Variants in ZNF423 observed in about 807,000 individuals in gnomAD.
The protein encoded by ZNF423 is zinc finger protein 423.
In ZNF423, 12 loss-of-function variants were observed where a neutral mutation model predicts 95.8. The ratio of observed to expected loss-of-function variants is 0.13; its 90% CI spans 0.08 to 0.20. ZNF423 has a LOEUF of 0.20. Among genes scored for constraint, ZNF423 ranks in the 10% least tolerant of loss-of-function variants. The pLI is 1.00. For synonymous variants in ZNF423, 749 were observed against 711.9 expected, an observed-to-expected ratio of 1.05 and a Z score of -0.83; for missense variants, 1,316 against 1,737.1, an observed-to-expected ratio of 0.76 and a Z score of 4.31.
rs1321212167 is a variant in ZNF423, at chr16:49,615,285, AAAT to A, written c.3601+10882_3601+10884del. 5.3e-5 allele frequency among the ~76,000 whole-genome samples: 8 copies of A among 152,326 alleles called. No individual in the cohort carries two copies. In the South Asian group the frequency reaches 8.3e-4, roughly 16 times the overall value. On this transcript the variant is annotated intron_variant, in intron 5 of 7. Coordinates refer to ENST00000563137, the MANE Select transcript of ZNF423 (RefSeq NM_001379286.1). ...CAGGCAAATGCAAATTTCGGACAAG[AAAT>A]AATGTTTTAGTAGAGTATGTCCCAT...
At chr16:49,532,290 C>A (rs1172437269) in intron 5 of ZNF423, among the ~76,000 whole-genome samples, 2 of 152,196 alleles carry the variant, frequency 1.3e-5, no homozygotes, top group East Asian at 1.9e-4. Flanking sequence ...CTGTCCCCGA[C>A]CCCCAGTGCC....
At position 49,842,410 on chromosome 16, in the gene ZNF423, A is replaced by AAGGC. The variant is rs1211045896; in HGVS notation, c.40+13321_40+13324dup. On this transcript the variant is annotated intron_variant, in intron 1 of 7. Coordinates refer to ENST00000563137, the MANE Select transcript of ZNF423 (RefSeq NM_001379286.1). ...GAAGGAAGGAAGGAAGGAAGGAAGG[A>AAGGC]AGGCAGGCAGGCAGGCAGGCAGGCA... Among the ~76,000 whole-genome samples, 370 of 77,880 alleles carry AAGGC rather than the reference A, an allele frequency of 4.8e-3. 7 individuals are homozygous for AAGGC. The highest frequency in any genetic ancestry group is 5.9e-3 in the African/African-American group (133 of 22,704). The allele number at this position is 77,880 out of a possible 152,430, so 51.1% of individuals were successfully genotyped here. A position where few individuals can be genotyped will look rare whatever the true frequency, so the allele number is the denominator to read the frequency against.
chr16:49,777,179 G>A (rs753526973), intron 2 of ZNF423, among the ~76,000 whole-genome samples: 1 of 152,228 alleles, frequency 6.6e-6, no homozygotes, highest in Non-Finnish European at 1.5e-5. Flanking sequence ...TATGTGTGTA[G>A]TATGGAGGAA....
intron 5 of ZNF423, among the ~76,000 whole-genome samples, chr16:49,541,125 G>A (rs1021713235): frequency 3.3e-5 from 5 of 152,182 alleles, no homozygotes; most frequent in Non-Finnish European, 7.3e-5. Context: ...CAGAACCTAT[G>A]CTTCCCTCCC....
At chr16:49,642,520 A>T (rs1366926003) in intron 3 of ZNF423, among the ~76,000 whole-genome samples, 1 of 152,230 alleles carries the variant, frequency 6.6e-6, no homozygotes, top group Non-Finnish European at 1.5e-5. Flanking sequence ...TGAGATTATA[A>T]TCATCTGAAT....
At chr16:49,675,551 C>T (rs1208312171) in intron 3 of ZNF423, among the ~76,000 whole-genome samples, 2 of 152,110 alleles carry the variant, frequency 1.3e-5, no homozygotes, top group Admixed American at 1.3e-4. Flanking sequence ...CACAACCACG[C>T]TGCACCACCC....
At chr16:49,599,763 G>GA (rs2151828930) in intron 5 of ZNF423, among the ~76,000 whole-genome samples, 1 of 152,306 alleles carries the variant, frequency 6.6e-6, no homozygotes, top group South Asian at 2.1e-4. Context: ...AAGGACCACA[G>GA]GATGCATGGG....
At chr16:49,552,533 T>G (rs947064778) in intron 5 of ZNF423, among the ~76,000 whole-genome samples, 3 of 152,124 alleles carry the variant, frequency 2.0e-5, no homozygotes, top group Admixed American at 6.5e-5. Flanking sequence ...TTGGAGATAT[T>G]AAGAATGACA....
chr16:49,789,187 C>T (rs1031781324), intron 2 of ZNF423, among the ~76,000 whole-genome samples: 15 of 152,152 alleles, frequency 9.9e-5, no homozygotes, highest in Admixed American at 3.3e-4. Flanking sequence ...TGTGCAGTGA[C>T]GCCCATAGCA....
At chr16:49,554,958 TA>T (rs771145862) in intron 5 of ZNF423, among the ~76,000 whole-genome samples, 22 of 152,022 alleles carry the variant, frequency 1.4e-4, no homozygotes, top group Non-Finnish European at 3.1e-4. Flanking sequence ...AATTTGGATG[TA>T]AAGTGCTTTA....
At chr16:49,574,432 T>A (rs1970436850) in intron 5 of ZNF423, among the ~76,000 whole-genome samples, 1 of 152,168 alleles carries the variant, frequency 6.6e-6, no homozygotes, top group African/African-American at 2.4e-5. Flanking sequence ...GATTCAGCAG[T>A]TGTATGTGGG....
intron 1 of ZNF423, among the ~76,000 whole-genome samples, chr16:49,794,036 TCTCTCTCTCTCG>T (rs1034948388): frequency 3.9e-5 from 6 of 152,066 alleles, no homozygotes; most frequent in African/African-American, 1.4e-4. Flanking sequence ...TCTCTCTCTC[TCTCTCTCTCTCG>T]CTCTCTGAGA....
intron 1 of ZNF423, chr16:49,854,367 CG>C (rs2035334007): frequency 1.0e-6 from 1 of 985,462 alleles, no homozygotes. Context: ...ACAGAACTGA[CG>C]AGTGTCTCAA....
intron 1 of ZNF423, among the ~76,000 whole-genome samples, chr16:49,792,018 A>AAAAAAAAAAAAAG (rs57175853): frequency 5.8e-5 from 8 of 138,276 alleles, no homozygotes; most frequent in Admixed American, 7.7e-5. Flanking sequence ...AAAAAAAAAA[A>AAAAAAAAAAAAAG]AAAGAAAGAA....
At position 49,638,904 on chromosome 16, in the gene ZNF423, G is replaced by A. The variant is rs776477388; in HGVS notation, c.302-30C>T. 17 of 1,570,424 alleles carry A rather than the reference G, an allele frequency of 1.1e-5. No homozygotes were observed. Among genetic ancestry groups the A allele is most frequent in the Non-Finnish European group, 1.4e-5 (16 of 1,156,520 alleles). On this transcript the variant is annotated intron_variant, in intron 3 of 7. Coordinates refer to ENST00000563137, the MANE Select transcript of ZNF423 (RefSeq NM_001379286.1). The surrounding 1 kb of genome is among the most constrained non-coding windows in gnomAD (Gnocchi z 5.6). ...AAGAGAAGGCAGAGAGGATATTAGAGGCAATTCCCAGGGCTGCCGAGAAAC... is the reference window on the plus strand; with the variant it reads ...AAGAGAAGGCAGAGAGGATATTAGAAGCAATTCCCAGGGCTGCCGAGAAAC...
chr16:49,617,005 T>C (rs1238114961), intron 5 of ZNF423, among the ~76,000 whole-genome samples: 8 of 152,186 alleles, frequency 5.3e-5, no homozygotes, highest in Non-Finnish European at 1.2e-4. Context: ...AACCAGTAGG[T>C]GTGGTGAGTT....
chr16:49,626,298 A>G (rs767818365), intron 4 of ZNF423, 44 bp from the exon 5 acceptor site: 1 of 1,599,402 alleles, frequency 6.3e-7, no homozygotes, highest in Non-Finnish European at 8.6e-7. Flanking sequence ...GGCAGGAGGT[A>G]GGAAAAAGGA....
intron 3 of ZNF423, among the ~76,000 whole-genome samples, chr16:49,716,569 A>AT (rs1330770949): frequency 1.3e-4 from 20 of 152,240 alleles, no homozygotes; most frequent in African/African-American, 4.8e-4. Flanking sequence ...TCCCCTGTAC[A>AT]TTTTTTCTCT....
Position 49,525,345 on chromosome 16 carries a change from A to T in ZNF423, c.3733+18T>A. ...TGTTCATCTCTCTCCCCTGAGGGGC[A>T]CAAGCTGGGTACCTTACCTGTGAAA... On this transcript the variant is annotated intron_variant, in intron 6 of 7. Coordinates refer to ENST00000563137, the MANE Select transcript of ZNF423 (RefSeq NM_001379286.1). 6.2e-7 allele frequency: 1 copy of T among 1,613,708 alleles called. No individual in the cohort carries two copies. The highest frequency in any genetic ancestry group is 8.5e-7 in the Non-Finnish European group (1 of 1,179,702).
Sources: gnomAD v4.1 joint callset for allele counts (sites outside exome capture counted in the v4.1 genomes callset) on GRCh38, gnomAD v4.1.1 for gene constraint, Gnocchi (gnomAD v3.1) non-coding constraint, MANE v1.5 for transcripts, NCBI Gene and HGNC (gene_info 2026-07-23, HGNC 2026-07-21) for gene names.